RASAL2: variants seen among roughly 807,000 people sequenced by gnomAD.
RASAL2 encodes the protein ras GTPase-activating protein nGAP.
RASAL2 carries 58 observed loss-of-function variants against 128.9 expected under a neutral mutation model. The observed-to-expected ratio is 0.45, with a 90% confidence interval of 0.36 to 0.56. The LOEUF (loss-of-function observed/expected upper bound fraction) is 0.56, where lower values mean the gene tolerates loss of function less well. Among genes scored for constraint, RASAL2 ranks in the 20% least tolerant of loss-of-function variants. The pLI, the probability that RASAL2 is intolerant of heterozygous loss-of-function variation, is 0.00. For synonymous variants in RASAL2, 561 were observed against 580.8 expected (o/e 0.97, Z 0.49); for missense variants, 1,360 against 1,601.6 (o/e 0.85, Z 2.57).
intron 1 of RASAL2, among the ~76,000 whole-genome samples, chr1:178,181,277 A>G (rs1662098593): frequency 6.6e-6 from 1 of 152,076 alleles, no homozygotes; most frequent in Non-Finnish European, 1.5e-5. Context: ...TTATATTAAC[A>G]TCCTTATTAA....
intron 1 of RASAL2, chr1:178,194,308 A>G (rs1011343653): frequency 1.3e-5 from 3 of 223,234 alleles, no homozygotes; most frequent in Non-Finnish European, 3.0e-5. Context: ...ATTTTACAGC[A>G]TTTACTACAA....
At chr1:178,176,865 A>G (rs1433995729) in intron 1 of RASAL2, among the ~76,000 whole-genome samples, 1 of 151,634 alleles carries the variant, frequency 6.6e-6, no homozygotes. Flanking sequence ...GCCTAGGCTG[A>G]TCTTGAACTG....
chr1:178,095,936 A>G (rs1331430948), intron 1 of RASAL2, among the ~76,000 whole-genome samples: 1 of 152,186 alleles, frequency 6.6e-6, no homozygotes, highest in Non-Finnish European at 1.5e-5. Context: ...AAATCCAGGA[A>G]TTCTTCTTAT....
intron 1 of RASAL2, among the ~76,000 whole-genome samples, chr1:178,124,673 G>C (rs1659834517): frequency 6.6e-6 from 1 of 152,024 alleles, no homozygotes; most frequent in African/African-American, 2.4e-5. Flanking sequence ...AACAGCTTTA[G>C]TAAGATTTTT....
intron 3 of RASAL2, among the ~76,000 whole-genome samples, chr1:178,311,094 T>G (rs964814159): frequency 2.0e-5 from 3 of 152,144 alleles, no homozygotes; most frequent in Non-Finnish European, 4.4e-5. Flanking sequence ...AGATTCAGCC[T>G]GGACATCTGG....
At chr1:178,228,451 C>T (rs1182713823) in intron 1 of RASAL2, among the ~76,000 whole-genome samples, 4 of 151,970 alleles carry the variant, frequency 2.6e-5, no homozygotes, top group East Asian at 1.9e-4. Flanking sequence ...GGTGTGGTGG[C>T]GGGTGCCTGT....
chr1:178,309,619 A>C (rs999915576), intron 3 of RASAL2, among the ~76,000 whole-genome samples: 6 of 152,196 alleles, frequency 3.9e-5, no homozygotes, highest in South Asian at 2.1e-4. Flanking sequence ...TATGGGATAA[A>C]ATAGCCATAT....
At chr1:178,231,883 A>T (rs573418067) in intron 1 of RASAL2, among the ~76,000 whole-genome samples, 1 of 152,302 alleles carries the variant, frequency 6.6e-6, no homozygotes, top group Admixed American at 6.5e-5. Flanking sequence ...TTTAATATAC[A>T]AATATGTAGA....
Position 178,398,550 on chromosome 1 carries a change from T to A in RASAL2, c.564+8344T>A, listed in dbSNP as rs192083005. Among the ~76,000 whole-genome samples the A allele has an allele frequency of 1.8e-4, 27 of 152,314 alleles. 1 individual carries two copies. The East Asian group carries it at 5.2e-3, about 29-fold the overall frequency. ...TATATTTGTATATCAATGCAATTAA[T>A]ATCAACAAATCAGGAAATAGAAAAG... is the stretch of plus-strand genomic sequence containing the variant. On this transcript the variant is annotated intron_variant, in intron 4 of 17. Coordinates refer to ENST00000367649, the MANE Select transcript of RASAL2 (RefSeq NM_170692.4).
intron 1 of RASAL2, among the ~76,000 whole-genome samples, chr1:178,154,156 T>A (rs1005221688): frequency 9.9e-5 from 15 of 151,606 alleles, no homozygotes; most frequent in Non-Finnish European, 4.4e-5. Flanking sequence ...TTTTTTTTTT[T>A]TTATTAAAGA....
At chr1:178,207,230 C>G (rs1020174032) in intron 1 of RASAL2, among the ~76,000 whole-genome samples, 13 of 149,120 alleles carry the variant, frequency 8.7e-5, no homozygotes, top group Non-Finnish European at 5.9e-5. Context: ...AAAAGAAAAA[C>G]ATTCTGACCT....
intron 3 of RASAL2, among the ~76,000 whole-genome samples, chr1:178,302,857 T>C (rs942652691): frequency 6.6e-6 from 1 of 152,000 alleles, no homozygotes; most frequent in Non-Finnish European, 1.5e-5. Flanking sequence ...CTGGTCAATA[T>C]GGTGAAACCC....
intron 1 of RASAL2, among the ~76,000 whole-genome samples, chr1:178,182,301 C>T (rs898500622): frequency 6.6e-6 from 1 of 152,182 alleles, no homozygotes; most frequent in Non-Finnish European, 1.5e-5. Context: ...TTTGGCACTA[C>T]AAGATGCTCC....
intron 3 of RASAL2, among the ~76,000 whole-genome samples, chr1:178,356,891 A>T (rs1670842135): frequency 6.6e-6 from 1 of 152,136 alleles, no homozygotes; most frequent in Non-Finnish European, 1.5e-5. Flanking sequence ...TATTGAAGAC[A>T]TTTTTATTTC....
intron 1 of RASAL2, among the ~76,000 whole-genome samples, chr1:178,253,493 C>T (rs1023149579): frequency 2.0e-5 from 3 of 152,020 alleles, no homozygotes; most frequent in Non-Finnish European, 2.9e-5. Context: ...TAGTTTCACT[C>T]GTGTCAGTGT....
chr1:178,124,382 A>T (rs370550039), intron 1 of RASAL2, among the ~76,000 whole-genome samples: 1 of 152,138 alleles, frequency 6.6e-6, no homozygotes, highest in African/African-American at 2.4e-5. Context: ...GTACTGCTAA[A>T]CATTTTAGAG....
chr1:178,243,218 A>G (rs868515908), intron 1 of RASAL2, among the ~76,000 whole-genome samples: 1 of 152,132 alleles, frequency 6.6e-6, no homozygotes, highest in Non-Finnish European at 1.5e-5. Context: ...GAGATTTTGC[A>G]GTACTATTTT....
chr1:178,129,711 T>C (rs1660031692), intron 1 of RASAL2, among the ~76,000 whole-genome samples: 1 of 152,104 alleles, frequency 6.6e-6, no homozygotes, highest in Non-Finnish European at 1.5e-5. Context: ...AGTTTAGTTT[T>C]AAAATTTAGA....
chr1:178,471,658 A>C (rs547841387), intron 17 of RASAL2, among the ~76,000 whole-genome samples: 1 of 152,166 alleles, frequency 6.6e-6, no homozygotes, highest in East Asian at 1.9e-4. Context: ...GACCACCAGC[A>C]CTGCTGCCTT....
Sources: gnomAD v4.1 joint callset for allele counts (sites outside exome capture counted in the v4.1 genomes callset) on GRCh38, gnomAD v4.1.1 for gene constraint, MANE v1.5 for transcripts, NCBI Gene and HGNC (gene_info 2026-07-23, HGNC 2026-07-21) for gene names.